RALGAPB: variants seen among roughly 807,000 people sequenced by gnomAD.
RALGAPB encodes the protein Ral GTPase activating protein non-catalytic subunit beta.
RALGAPB carries 25 observed loss-of-function variants against 161.1 expected under a neutral mutation model. The observed-to-expected ratio is 0.16, with a 90% CI of 0.11 to 0.22. The LOEUF (loss-of-function observed/expected upper bound fraction) is 0.22. Ranked by LOEUF, RALGAPB falls within the 10% of genes least tolerant of loss-of-function variation. RALGAPB has a pLI of 1.00. For missense variants in RALGAPB, 1,391 were observed against 1,815.2 expected (o/e 0.77, Z 4.25); for synonymous variants, 629 against 626.1 (o/e 1.00, Z -0.07).
chr20:38,565,699 A>G (rs1348302149), intron 25 of RALGAPB, among the ~76,000 whole-genome samples: 1 of 152,218 alleles, frequency 6.6e-6, no homozygotes. Context: ...TTAAATAGTG[A>G]AGGAATCCCA....
At chr20:38,481,614 A>G (rs188534179) in intron 1 of RALGAPB, among the ~76,000 whole-genome samples, 1 of 152,342 alleles carries the variant, frequency 6.6e-6, no homozygotes, top group African/African-American at 2.4e-5. Context: ...ACATATGGGA[A>G]TTGTGGGAGT....
intron 1 of RALGAPB, among the ~76,000 whole-genome samples, chr20:38,480,526 A>C (rs1265960874): frequency 1.3e-5 from 2 of 150,594 alleles, no homozygotes; most frequent in Admixed American, 1.3e-4. Context: ...AGCTGGGATT[A>C]CAGGCGCACG....
Position 38,575,169 on chromosome 20 carries a change from A to G in RALGAPB, c.*202A>G. 2 of 562,270 alleles carry G rather than the reference A, an allele frequency of 3.6e-6. No individual in the cohort carries two copies. The highest frequency in any genetic ancestry group is 6.3e-6 in the Non-Finnish European group (2 of 318,980). 34.8% of individuals were successfully genotyped at this position (562,270 alleles called of 1,614,324 possible). A position where few individuals can be genotyped will look rare whatever the true frequency, so the allele number is the denominator to read the frequency against. On this transcript the variant is annotated 3_prime_UTR_variant, in exon 30 of 30. Coordinates refer to ENST00000262879, the MANE Select transcript of RALGAPB (RefSeq NM_020336.4). ...GTGAAATGGGCTCCCAGACACAATC[A>G]CACTCCTGCTGATAATGATGATATA...
intron 6 of RALGAPB, among the ~76,000 whole-genome samples, chr20:38,510,470 T>A (rs1375482006): frequency 6.6e-6 from 1 of 152,194 alleles, no homozygotes; most frequent in Non-Finnish European, 1.5e-5. Context: ...CTTGCCTGTT[T>A]AACATTTCAG....
chr20:38,485,365 A>G (rs1272318316), intron 1 of RALGAPB, among the ~76,000 whole-genome samples: 2 of 152,178 alleles, frequency 1.3e-5, no homozygotes, highest in African/African-American at 4.8e-5. Flanking sequence ...TCTATTAAAA[A>G]TCATTGCCCT....
At chr20:38,511,058 CG>C (rs1261166192) in intron 6 of RALGAPB, among the ~76,000 whole-genome samples, 4 of 152,162 alleles carry the variant, frequency 2.6e-5, no homozygotes, top group Non-Finnish European at 5.9e-5. Flanking sequence ...GCAGGATTCT[CG>C]TATCTGGCTA....
chr20:38,531,153 T>C lies in RALGAPB; in HGVS notation c.2051-14T>C, dbSNP rs746245077. The C allele has an allele frequency of 3.1e-6, 5 of 1,590,064 alleles. No homozygotes were observed. The highest frequency in any genetic ancestry group is 2.2e-5 in the East Asian group (1 of 44,736). On this transcript the variant is annotated splice_polypyrimidine_tract_variant and intron_variant, in intron 13 of 29. Coordinates refer to ENST00000262879, the MANE Select transcript of RALGAPB (RefSeq NM_020336.4). ...GTGTATTTTATATAAAATACTGTTT[T>C]ATTGTTGTTGTAGGGGCAATGTTAA...
chr20:38,567,014 C>G (rs1199382194), intron 25 of RALGAPB, 82 bp from the exon 26 acceptor site: 3 of 1,515,544 alleles, frequency 2.0e-6, no homozygotes, highest in East Asian at 4.6e-5. Context: ...TTAGGTTAGA[C>G]TGGTGAGCAT....
chr20:38,524,969 A>G (rs754056630), intron 11 of RALGAPB, 24 bp downstream of exon 11: 10 of 1,579,784 alleles, frequency 6.3e-6, no homozygotes, highest in Admixed American at 1.7e-5. Context: ...CTCTGCTATT[A>G]TATCAACTGT....
In RALGAPB at chr20:38,535,173, T is replaced by A. The variant is rs780828171; in HGVS notation, c.2345T>A (p.Leu782Gln). 9.9e-6 allele frequency: 16 copies of A among 1,614,212 alleles called. No homozygotes were observed. In the South Asian group the frequency reaches 1.8e-4, roughly 18 times the overall value. ...SQWRQDMSIS[L>Q]AALELLSGLA... ...TGGCGCCAAGACATGAGCATATCAC[T>A]GGCAGCTCTAGAGCTCCTCTCTGGC... is the stretch of plus-strand genomic sequence containing the variant. The change falls in exon 16 of 30, where the codon CTG (leucine) becomes CAG (glutamine). Residue 782 changes from leucine to glutamine, a missense_variant. Around this residue, in one of 3 missense-constraint regions of RALGAPB, gnomAD observed 946 missense variants for 1,257.2 expected, o/e 0.75. Coordinates refer to ENST00000262879, the MANE Select transcript of RALGAPB (RefSeq NM_020336.4).
chr20:38,497,777 G>T (rs2085469317), intron 4 of RALGAPB, among the ~76,000 whole-genome samples: 1 of 152,134 alleles, frequency 6.6e-6, no homozygotes, highest in African/African-American at 2.4e-5. Flanking sequence ...GGGAGCAGTA[G>T]CTTGTTTAAT....
intron 2 of RALGAPB, among the ~76,000 whole-genome samples, chr20:38,491,028 A>G (rs951880287): frequency 3.9e-5 from 6 of 152,218 alleles, no homozygotes; most frequent in Admixed American, 2.6e-4. Context: ...GGGACCTGCA[A>G]TGTCTTTTAG....
At chr20:38,525,826 C>T in intron 12 of RALGAPB, 69 bp from the exon 13 acceptor site, 1 of 1,486,600 alleles carries the variant, frequency 6.7e-7, no homozygotes, top group Non-Finnish European at 9.3e-7. Flanking sequence ...GTTCCTCCAT[C>T]TAGCTGTTCC....
chr20:38,575,308 A>T lies in RALGAPB; in HGVS notation c.*341A>T. 1 of 192,676 alleles carries T rather than the reference A, an allele frequency of 5.2e-6. No homozygotes were observed. The highest frequency in any genetic ancestry group is 1.1e-5 in the Non-Finnish European group (1 of 93,230). 11.9% of individuals were successfully genotyped at this position (192,676 alleles called of 1,614,324 possible). A position where few individuals can be genotyped will look rare whatever the true frequency, so the allele number is the denominator to read the frequency against. ...AACACGTGCATTGGTAGTATCAACA[A>T]ATTTGCAATATAGAAGTTGAAGATA... is the stretch of plus-strand genomic sequence containing the variant. On this transcript the variant is annotated 3_prime_UTR_variant, in exon 30 of 30. Transcript: ENST00000262879.
Position 38,497,579 on chromosome 20 carries a change from C to G in RALGAPB, c.553+63C>G. The stretch of plus-strand genomic sequence containing the variant: ...TCCAAATACAGTTCATCTTTAAACT[C>G]AGTGAGCGGTAGACTCATTGGGGAT... On this transcript the variant is annotated intron_variant, in intron 4 of 29. Coordinates refer to ENST00000262879, the MANE Select transcript of RALGAPB (RefSeq NM_020336.4). The G allele has an allele frequency of 4.6e-6, 7 of 1,510,962 alleles. 1 individual carries two copies. The highest frequency in any genetic ancestry group is 6.3e-6 in the Non-Finnish European group (7 of 1,114,812). The allele number at this position is 1,510,962 out of a possible 1,614,324, so 93.6% of individuals were successfully genotyped here.
chr20:38,553,212 G>T (rs183659221), intron 21 of RALGAPB, among the ~76,000 whole-genome samples: 1 of 152,138 alleles, frequency 6.6e-6, no homozygotes, highest in East Asian at 1.9e-4. Flanking sequence ...GAAGGTTGAG[G>T]AGCTTGTAGA....
At chr20:38,475,264 G>T (rs1194078696) in intron 1 of RALGAPB, among the ~76,000 whole-genome samples, 1 of 152,196 alleles carries the variant, frequency 6.6e-6, no homozygotes, top group Non-Finnish European at 1.5e-5. Context: ...ATTGCCATTG[G>T]TAATGTTTGG....
chr20:38,520,179 A>G (rs992251883), intron 9 of RALGAPB: 68 of 509,910 alleles, frequency 1.3e-4, no homozygotes, highest in African/African-American at 1.3e-3. Context: ...ACCATCTTTA[A>G]AGTATTTTAT....
intron 19 of RALGAPB, chr20:38,548,155 T>G (rs771346281): frequency 1.3e-5 from 2 of 151,942 alleles, no homozygotes; most frequent in Non-Finnish European, 2.9e-5. Flanking sequence ...AGTGTTTTTT[T>G]TAACACCCCC....
Sources: allele counts gnomAD v4.1 joint callset (sites outside exome capture counted in the v4.1 genomes callset), GRCh38; gene constraint gnomAD v4.1.1; regional missense constraint gnomAD v4.1.1; transcripts MANE v1.5; gene names NCBI Gene and HGNC (gene_info 2026-07-23, HGNC 2026-07-21).